Variants in ANKRD18B observed in about 807,000 individuals in gnomAD.
ANKRD18B encodes the protein ankyrin repeat domain-containing protein 18B.
In ANKRD18B, 75 loss-of-function variants were observed where a neutral mutation model predicts 111.8. The ratio of observed to expected loss-of-function variants is 0.67; its 90% CI spans 0.56 to 0.81. The LOEUF (loss-of-function observed/expected upper bound fraction) is 0.81, where lower values mean the gene tolerates loss of function less well. Ranked by LOEUF, ANKRD18B falls within the 40% of genes least tolerant of loss-of-function variation. The pLI is 0.00. For missense variants in ANKRD18B, 1,038 were observed against 1,225.5 expected (o/e 0.85, Z 2.28); for synonymous variants, 356 against 417.3 (o/e 0.85, Z 1.79).
chr9:33,553,878 G>A (rs1340861966), intron 12 of ANKRD18B, among the ~76,000 whole-genome samples: 5 of 152,058 alleles, frequency 3.3e-5, no homozygotes, highest in Non-Finnish European at 7.4e-5. Context: ...AGAAGTACAA[G>A]AAGAGCCTGG....
intron 13 of ANKRD18B, among the ~76,000 whole-genome samples, chr9:33,557,425 C>T (rs1194125142): frequency 6.6e-6 from 1 of 151,848 alleles, no homozygotes; most frequent in South Asian, 2.1e-4. Flanking sequence ...CTTGGTTATG[C>T]CTTATATTTA....
chr9:33,537,360 T>G, intron 6 of ANKRD18B, among the ~76,000 whole-genome samples: 1 of 152,052 alleles, frequency 6.6e-6, no homozygotes, highest in East Asian at 1.9e-4. Context: ...TAAAAAAATA[T>G]GTTTATATAT....
In ANKRD18B at chr9:33,533,677, T is replaced by C. The variant is rs1212358188; in HGVS notation, c.602+132T>C. On this transcript the variant is annotated intron_variant, in intron 4 of 18. Transcript: ENST00000684830. ...TATTGGCATATAGTAAAAAATAACA[T>C]GAATAATCAGGTAGAAAAGAAGTTA... The C allele has an allele frequency of 1.6e-5, 23 of 1,401,224 alleles. No individual in the cohort carries two copies. In the Admixed American group the frequency reaches 4.4e-4, roughly 27 times the overall value. 86.8% of individuals were successfully genotyped at this position (1,401,224 alleles called of 1,614,324 possible).
At chr9:33,569,112 A>G (rs1828730818) in intron 17 of ANKRD18B, 4 of 430,160 alleles carry the variant, frequency 9.3e-6, no homozygotes, top group Admixed American at 4.2e-5. Context: ...TATTCAATAA[A>G]TGTGGTTAAA....
At chr9:33,529,764 G>A (rs1323951707) in intron 3 of ANKRD18B, among the ~76,000 whole-genome samples, 1 of 152,138 alleles carries the variant, frequency 6.6e-6, no homozygotes, top group Non-Finnish European at 1.5e-5. Flanking sequence ...ATCATTTTTG[G>A]TTTGGTAAAA....
intron 17 of ANKRD18B, 115 bp downstream of exon 17, chr9:33,569,008 T>C: frequency 1.0e-6 from 1 of 1,004,818 alleles, no homozygotes; most frequent in Non-Finnish European, 1.4e-6. Flanking sequence ...GTAAAGATTA[T>C]AATTAGCTGT....
chr9:33,566,453 G>C lies in ANKRD18B; in HGVS notation c.2695G>C (p.Glu899Gln). The change falls in exon 15 of 19, where the codon GAA (glutamate) becomes CAA (glutamine). Residue 899 changes from glutamate (E) to glutamine (Q), a missense_variant. Transcript: ENST00000684830. ...KVQEYKSELD[E>Q]RAMQAIEKLE... The stretch of plus-strand genomic sequence containing the variant: ...ACAAGAATATAAATCGGAGCTGGAT[G>C]AAAGGGCAATGCAGGCAATAGAAAA... 1 of 1,610,022 alleles carries C rather than the reference G, an allele frequency of 6.2e-7. No individual in the cohort carries two copies. The highest frequency in any genetic ancestry group is 8.5e-7 in the Non-Finnish European group (1 of 1,179,222).
At chr9:33,545,652 A>T (rs1013500711) in intron 10 of ANKRD18B, among the ~76,000 whole-genome samples, 1 of 152,228 alleles carries the variant, frequency 6.6e-6, no homozygotes, top group African/African-American at 2.4e-5. Context: ...AATGTGAGTT[A>T]TTCTCCACCA....
intron 4 of ANKRD18B, 85 bp from the exon 5 acceptor site, chr9:33,534,285 T>C: frequency 6.9e-7 from 1 of 1,457,580 alleles, no homozygotes; most frequent in Non-Finnish European, 9.1e-7. Context: ...ACAGGCAAGA[T>C]ATGAAATTGG....
chr9:33,564,815 TG>T (rs1173086751), intron 14 of ANKRD18B, among the ~76,000 whole-genome samples: 1 of 152,162 alleles, frequency 6.6e-6, no homozygotes, highest in African/African-American at 2.4e-5. Flanking sequence ...CATTTTTAAA[TG>T]TATTTATTGG....
chr9:33,548,821 T>C lies in ANKRD18B; in HGVS notation c.2033T>C (p.Leu678Pro). 5 of 1,501,756 alleles carry C rather than the reference T, an allele frequency of 3.3e-6. No homozygotes were observed. In the South Asian group the frequency reaches 4.0e-5, roughly 12 times the overall value. 93.0% of individuals were successfully genotyped at this position (1,501,756 alleles called of 1,614,324 possible). ...MNEYNYLKEK[L>P]LQYEKEKAER... ...GAATATAATTATTTAAAAGAAAAAC[T>C]GCTTCAGTATGAAAAAGAAAAAGCA... Residue 678 changes from leucine (L) to proline (P), a missense_variant, in exon 11 of 19, where the codon CTG (leucine) becomes CCG (proline). Leu to Pro is a moderately conservative substitution (Grantham distance 98). This residue lies in a region of ANKRD18B where 524 missense variants were observed against 677.9 expected (regional missense o/e 0.77). Coordinates refer to ENST00000684830, the MANE Select transcript of ANKRD18B (RefSeq NM_001393611.1).
intron 13 of ANKRD18B, among the ~76,000 whole-genome samples, 189 bp downstream of exon 13, chr9:33,556,009 C>T (rs1224511512): frequency 6.6e-6 from 1 of 151,798 alleles, no homozygotes; most frequent in Non-Finnish European, 1.5e-5. Flanking sequence ...AGTCCATGAC[C>T]CTTGGACTTT....
intron 12 of ANKRD18B, among the ~76,000 whole-genome samples, chr9:33,553,343 G>C (rs1828474826): frequency 6.6e-6 from 1 of 152,020 alleles, no homozygotes; most frequent in African/African-American, 2.4e-5. Context: ...ACTCCAGCCT[G>C]GGTAACAGAG....
chr9:33,567,312 G>T lies in ANKRD18B; in HGVS notation c.2952G>T (p.Thr984=). ...ACAGTTCCATGTCAGAAAAAATAAC[G>T]AAGTAAGTCAAAACATATACTCATA... ...KANSSMSEKI[T]KSDKKIAVIS... The change falls in exon 16 of 19, where the codon ACG becomes ACT. Residue 984 remains threonine, a splice_region_variant and synonymous_variant. Transcript: ENST00000684830. 4.5e-6 allele frequency: 7 copies of T among 1,539,844 alleles called. No homozygotes were observed. Among genetic ancestry groups the T allele is most frequent in the Admixed American group, 2.1e-5 (1 of 47,754 alleles).
intron 12 of ANKRD18B, among the ~76,000 whole-genome samples, chr9:33,554,032 A>G (rs1394344791): frequency 6.6e-6 from 1 of 151,602 alleles, no homozygotes; most frequent in Non-Finnish European, 1.5e-5. Flanking sequence ...ACATGGCACC[A>G]CTGCACTCTA....
chr9:33,538,254 A>G (rs948183636), intron 6 of ANKRD18B, among the ~76,000 whole-genome samples: 2 of 152,248 alleles, frequency 1.3e-5, no homozygotes, highest in Admixed American at 1.3e-4. Flanking sequence ...TACTGAATGC[A>G]GAAGACAGAA....
intron 14 of ANKRD18B, among the ~76,000 whole-genome samples, chr9:33,561,150 G>A (rs553114183): frequency 3.0e-4 from 45 of 152,018 alleles, no homozygotes; most frequent in Non-Finnish European, 4.9e-4. Flanking sequence ...TTACATCCCC[G>A]GCAGCATTGG....
downstream of ANKRD18B, among the ~76,000 whole-genome samples, chr9:33,573,667 C>A (rs1170450493): frequency 7.0e-6 from 1 of 143,726 alleles, no homozygotes; most frequent in African/African-American, 2.5e-5. Context: ...GAAAACCCCC[C>A]GGGCCTGACC....
intron 4 of ANKRD18B, 198 bp downstream of exon 4, chr9:33,533,743 C>A (rs945764314): frequency 8.8e-7 from 1 of 1,135,048 alleles, no homozygotes; most frequent in Non-Finnish European, 1.1e-6. Flanking sequence ...TAGTAGGATT[C>A]ATCTTCTCTT....
Sources: gnomAD v4.1 joint callset for allele counts (sites outside exome capture counted in the v4.1 genomes callset) on GRCh38, gnomAD v4.1.1 for gene constraint, gnomAD v4.1.1 regional missense constraint, MANE v1.5 for transcripts, NCBI Gene and HGNC (gene_info 2026-07-23, HGNC 2026-07-21) for gene names.